Variants in CABP5 observed in about 807,000 individuals in gnomAD.
CABP5 encodes the protein calcium-binding protein 5.
CABP5 carries 17 observed loss-of-function variants against 21.9 expected under a neutral mutation model. The ratio of observed to expected loss-of-function variants is 0.78; its 90% CI spans 0.53 to 1.17. The LOEUF (loss-of-function observed/expected upper bound fraction) is 1.17. Ranked by LOEUF, CABP5 falls within the 50% of genes most tolerant of loss-of-function variation. The pLI is 0.00. For missense variants in CABP5, 229 were observed against 228.9 expected, an observed-to-expected ratio of 1.00 and a Z score of 0.00; for synonymous variants, 85 against 79.4, an observed-to-expected ratio of 1.07 and a Z score of -0.37.
chr19:48,039,635 T>C (rs968007757), intron 3 of CABP5, among the ~76,000 whole-genome samples: 4 of 150,232 alleles, frequency 2.7e-5, no homozygotes, highest in African/African-American at 9.8e-5. Context: ...TTTTCAGATA[T>C]GAATACTATC....
chr19:48,033,090 C>T (rs1387862360), intron 5 of CABP5, among the ~76,000 whole-genome samples: 1 of 151,778 alleles, frequency 6.6e-6, no homozygotes, highest in African/African-American at 2.4e-5. Flanking sequence ...CAACCTCCGC[C>T]CCCAGCGTTC....
chr19:48,039,422 A>G (rs1190701402), intron 3 of CABP5, 105 bp from the exon 4 acceptor site: 10 of 816,574 alleles, frequency 1.2e-5, no homozygotes, highest in African/African-American at 1.7e-5. Context: ...TCCCTGCCCT[A>G]TAAGAGCCGT....
chr19:48,039,361 GC>G (rs765980764), intron 3 of CABP5, 44 bp from the exon 4 acceptor site: 1 of 1,457,170 alleles, frequency 6.9e-7, no homozygotes, highest in African/African-American at 1.4e-5. Flanking sequence ...ACAAGCCCTG[GC>G]CTTCCATTAC....
chr19:48,040,525 C>T, intron 3 of CABP5, 80 bp downstream of exon 3: 1 of 1,511,524 alleles, frequency 6.6e-7, no homozygotes, highest in Non-Finnish European at 9.1e-7. Context: ...CCCAACTCTA[C>T]TCTTAACCTC....
chr19:48,043,588 A>T (rs1043887819), intron 1 of CABP5, among the ~76,000 whole-genome samples: 1 of 7,972 alleles, frequency 1.3e-4, no homozygotes, highest in Non-Finnish European at 2.8e-4. Context: ...AATGATGGTA[A>T]TCTCAACAAT....
rs1555737208 is a variant in CABP5 at position 48,029,818 on chromosome 19, G to GAGAGAGAC, written c.*738_*739insGTCTCTCT. On this transcript the variant is annotated 3_prime_UTR_variant, in exon 6 of 6. Coordinates refer to ENST00000293255, the MANE Select transcript of CABP5 (RefSeq NM_019855.5). ...ACAGACAGAGAGAGAGAGAGAGAGA[G>GAGAGAGAC]AGAGAGAGAGAGAGAGAGAAACCAG... 1 of 149,074 alleles carries GAGAGAGAC rather than the reference G, an allele frequency of 6.7e-6. No individual in the cohort carries two copies. The highest frequency in any genetic ancestry group is 2.6e-5 in the African/African-American group (1 of 38,930). The allele number at this position is 149,074 out of a possible 1,614,324, so 9.2% of individuals were successfully genotyped here.
In CABP5 at chr19:48,029,798, C is replaced by CAGAGAGAGAGAGAGAG. The variant is rs72005770; in HGVS notation, c.*743_*758dup. On this transcript the variant is annotated 3_prime_UTR_variant, in exon 6 of 6. Transcript: ENST00000293255. Reference sequence around the variant, plus strand: ...GGGAGGGGAGACAGAGACAGACAGACAGAGAGAGAGAGAGAGAGAGAGAGA... The same window carrying CAGAGAGAGAGAGAGAG: ...GGGAGGGGAGACAGAGACAGACAGACAGAGAGAGAGAGAGAGAGAGAGAGAGAGAGAGAGAGAGAGA... Among the ~76,000 whole-genome samples, 4,743 of 119,948 alleles carry CAGAGAGAGAGAGAGAG rather than the reference C, an allele frequency of 0.04. 212 individuals are homozygous for CAGAGAGAGAGAGAGAG. The highest frequency in any genetic ancestry group is 0.054 in the Non-Finnish European group (3,116 of 57,846). The allele number at this position is 119,948 out of a possible 152,430, so 78.7% of individuals were successfully genotyped here. A position where few individuals can be genotyped will look rare whatever the true frequency, so the allele number is the denominator to read the frequency against.
rs1345002559 is a variant in CABP5, at chr19:48,029,791, A to T, written c.*766T>A. 8.4e-6 allele frequency among the ~76,000 whole-genome samples: 1 copy of T among 119,656 alleles called. No homozygotes were observed. Among genetic ancestry groups the T allele is most frequent in the African/African-American group, 3.4e-5 (1 of 29,172 alleles). 78.5% of individuals were successfully genotyped at this position (119,656 alleles called of 152,430 possible). On this transcript the variant is annotated 3_prime_UTR_variant, in exon 6 of 6. Coordinates refer to ENST00000293255, the MANE Select transcript of CABP5 (RefSeq NM_019855.5). ...GGGATGTGGGAGGGGAGACAGAGAC[A>T]GACAGACAGAGAGAGAGAGAGAGAG...
At chr19:48,037,655 A>G (rs184949125) in intron 4 of CABP5, among the ~76,000 whole-genome samples, 2 of 152,278 alleles carry the variant, frequency 1.3e-5, no homozygotes, top group Non-Finnish European at 2.9e-5. Flanking sequence ...TTGACACAAT[A>G]TATCTAAAGT....
chr19:48,043,753 T>C lies in CABP5; in HGVS notation c.63+107A>G, dbSNP rs372152703. 46 of 947,390 alleles carry C rather than the reference T, an allele frequency of 4.9e-5. No individual in the cohort carries two copies. In the East Asian group the frequency reaches 1.5e-3, roughly 30 times the overall value. The allele number at this position is 947,390 out of a possible 1,614,324, so 58.7% of individuals were successfully genotyped here. A position where few individuals can be genotyped will look rare whatever the true frequency, so the allele number is the denominator to read the frequency against. On this transcript the variant is annotated intron_variant, in intron 1 of 5. Transcript: ENST00000293255. ...TTATACCTTCTCAGCTCCTGCTCTA[T>C]CCACCTGTTCCCCTGGTTCTGTGGC...
In CABP5 at chr19:48,041,685, T is replaced by TC. The variant is rs558635672; in HGVS notation, c.64-83dup. On this transcript the variant is annotated intron_variant, in intron 1 of 5. Transcript: ENST00000293255. ...GGGTCTCCTTGTTCTCCCAAGCTCC[T>TC]CCCCACGCTCTCGTGGTTCTCTTTC... is the stretch of plus-strand genomic sequence containing the variant. 216 of 1,285,682 alleles carry TC rather than the reference T, an allele frequency of 1.7e-4. No homozygotes were observed. In the African/African-American group the frequency reaches 3.0e-3, roughly 18 times the overall value. 79.6% of individuals were successfully genotyped at this position (1,285,682 alleles called of 1,614,324 possible).
rs181383252 is a variant in CABP5 at position 48,043,987 on chromosome 19, C to T, written c.-65G>A. The T allele has an allele frequency of 4.8e-5, 67 of 1,384,946 alleles. No homozygotes were observed. Among genetic ancestry groups the T allele is most frequent in the African/African-American group, 9.1e-5 (6 of 65,654 alleles). The allele number at this position is 1,384,946 out of a possible 1,614,324, so 85.8% of individuals were successfully genotyped here. A position where few individuals can be genotyped will look rare whatever the true frequency, so the allele number is the denominator to read the frequency against. ...ATGGCCCCTCCTCCCTGCTCCCTGT[C>T]GGAGCTCAGCCTCCTTATCTTCTCC... On this transcript the variant is annotated 5_prime_UTR_variant, in exon 1 of 6. Transcript: ENST00000293255.
At chr19:48,039,674 C>A (rs1183889603) in intron 3 of CABP5, among the ~76,000 whole-genome samples, 2 of 125,356 alleles carry the variant, frequency 1.6e-5, no homozygotes, top group African/African-American at 2.9e-5. Flanking sequence ...TTGTTTAGTT[C>A]GTTACATGCC....
intron 1 of CABP5, among the ~76,000 whole-genome samples, chr19:48,042,681 T>C (rs574792536): frequency 1.3e-5 from 2 of 151,778 alleles, no homozygotes; most frequent in South Asian, 4.2e-4. Context: ...TTCAAGCGAT[T>C]CTCCTGCCTC....
intron 1 of CABP5, 53 bp downstream of exon 1, chr19:48,043,807 C>A: frequency 7.1e-7 from 1 of 1,417,002 alleles, no homozygotes. Context: ...TTGTCCCACA[C>A]CCCTGCTCCC....
rs1293334637 is a variant in CABP5, at chr19:48,030,478, G to A, written c.*79C>T. 2 of 1,456,606 alleles carry A rather than the reference G, an allele frequency of 1.4e-6. No homozygotes were observed. The highest frequency in any genetic ancestry group is 2.0e-5 in the Admixed American group (1 of 49,230). 90.2% of individuals were successfully genotyped at this position (1,456,606 alleles called of 1,614,324 possible). The stretch of plus-strand genomic sequence containing the variant: ...CCCTCTCTGCTTTAAGGGGATCTGG[G>A]GCTTTTGGGCTTTGGTTCTCCACAA... On this transcript the variant is annotated 3_prime_UTR_variant, in exon 6 of 6. Coordinates refer to ENST00000293255, the MANE Select transcript of CABP5 (RefSeq NM_019855.5).
rs571466529 is a variant in CABP5 at position 48,029,956 on chromosome 19, T to G, written c.*601A>C. ...ACTCTGTTTCCAGCTCTGTGACTGA[T>G]TTGCATCCTTTTTATTTCATTTTGT... On this transcript the variant is annotated 3_prime_UTR_variant, in exon 6 of 6. Transcript: ENST00000293255. The G allele has an allele frequency of 6.6e-6, 1 of 152,338 alleles. No homozygotes were observed. Among genetic ancestry groups the G allele is most frequent in the East Asian group, 1.9e-4 (1 of 5,184 alleles). The allele number at this position is 152,338 out of a possible 1,614,324, so 9.4% of individuals were successfully genotyped here. A position where few individuals can be genotyped will look rare whatever the true frequency, so the allele number is the denominator to read the frequency against.
intron 1 of CABP5, among the ~76,000 whole-genome samples, chr19:48,042,576 C>G (rs1216471205): frequency 1.7e-5 from 2 of 119,760 alleles, no homozygotes; most frequent in African/African-American, 6.0e-5. Flanking sequence ...TTCATTCTCT[C>G]TCTCTTTTTT....
At position 48,030,362 on chromosome 19, in the gene CABP5, C is replaced by T; in HGVS notation, c.*195G>A. The T allele has an allele frequency of 1.8e-6, 1 of 541,960 alleles. No homozygotes were observed. Among genetic ancestry groups the T allele is most frequent in the Non-Finnish European group, 3.3e-6 (1 of 304,344 alleles). 33.6% of individuals were successfully genotyped at this position (541,960 alleles called of 1,614,324 possible). ...CAGACTCTTCCTTCTTAATCTAGTT[C>T]TGCAGACGCCCCCATCCTGGCAAAG... is the stretch of plus-strand genomic sequence containing the variant. On this transcript the variant is annotated 3_prime_UTR_variant, in exon 6 of 6. Coordinates refer to ENST00000293255, the MANE Select transcript of CABP5 (RefSeq NM_019855.5).
Sources: allele counts gnomAD v4.1 joint callset (sites outside exome capture counted in the v4.1 genomes callset), GRCh38; gene constraint gnomAD v4.1.1; transcripts MANE v1.5; gene names NCBI Gene and HGNC (gene_info 2026-07-23, HGNC 2026-07-21).